Variants in FBXL13 observed in about 807,000 individuals in gnomAD.
FBXL13 encodes the protein F-box and leucine-rich repeat protein 13.
A neutral mutation model predicts 83.6 loss-of-function variants in FBXL13; 67 were observed. That is an observed-to-expected ratio of 0.80 (90% CI 0.66 to 0.98). FBXL13 has a LOEUF of 0.98. FBXL13 is among the 50% of genes least tolerant of loss of function. The probability of loss-of-function intolerance (pLI) is 0.00; values close to 1 mark genes in which losing one functional copy is unlikely to be tolerated. For missense variants in FBXL13, 822 were observed against 866.5 expected, an observed-to-expected ratio of 0.95 and a Z score of 0.64; for synonymous variants, 272 against 299.5, an observed-to-expected ratio of 0.91 and a Z score of 0.95.
intron 6 of FBXL13, among the ~76,000 whole-genome samples, chr7:102,983,753 C>T (rs1828582988): frequency 6.6e-6 from 1 of 152,104 alleles, no homozygotes; most frequent in African/African-American, 2.4e-5. Flanking sequence ...AACGCCTTCA[C>T]TTTAACAGAG....
intron 18 of FBXL13, chr7:102,826,943 T>C: frequency 3.6e-6 from 1 of 278,030 alleles, no homozygotes; most frequent in Non-Finnish European, 8.0e-6. Context: ...CTAAGAGCTC[T>C]ATCGTATTAT....
Position 103,052,164 on chromosome 7 carries a change from T to C in FBXL13, c.-1+3480A>G, listed in dbSNP as rs574984865. ...ACCTTTGAAGTTTTTTGTTGAAACA[T>C]TAAAAATCATTTTACTGCCAGTTAT... is the stretch of plus-strand genomic sequence containing the variant. On this transcript the variant is annotated intron_variant, in intron 2 of 19. Transcript: ENST00000313221. Among the ~76,000 whole-genome samples, 156 of 152,332 alleles carry C rather than the reference T, an allele frequency of 1.0e-3. 1 individual carries two copies. Among genetic ancestry groups the C allele is most frequent in the African/African-American group, 3.6e-3 (148 of 41,572 alleles).
chr7:103,035,155 T>A (rs1214293880), intron 2 of FBXL13, among the ~76,000 whole-genome samples: 3 of 152,190 alleles, frequency 2.0e-5, no homozygotes, highest in African/African-American at 7.2e-5. Context: ...ATTTGGCACT[T>A]AAGGATTCCA....
intron 6 of FBXL13, among the ~76,000 whole-genome samples, chr7:103,004,727 G>A (rs1032209477): frequency 6.6e-5 from 10 of 152,132 alleles, no homozygotes; most frequent in Admixed American, 5.9e-4. Context: ...GCATCACAGA[G>A]CAGTCCATTT....
intron 6 of FBXL13, 132 bp from the exon 8 acceptor site, chr7:102,968,249 A>C: frequency 1.7e-6 from 1 of 578,786 alleles, no homozygotes; most frequent in South Asian, 2.4e-5. Flanking sequence ...AAGGTAATCC[A>C]TACTTTGCAA....
At chr7:102,938,742 C>A (rs1820808884) in intron 8 of FBXL13, among the ~76,000 whole-genome samples, 1 of 152,204 alleles carries the variant, frequency 6.6e-6, no homozygotes, top group African/African-American at 2.4e-5. Flanking sequence ...TTGCAATTCT[C>A]ATTGAAGTTC....
chr7:103,063,267 A>C (rs1470487640), intron 1 of FBXL13, among the ~76,000 whole-genome samples: 2 of 152,212 alleles, frequency 1.3e-5, no homozygotes, highest in East Asian at 3.9e-4. Context: ...TATCTGCACT[A>C]AACACATACA....
Position 103,026,781 on chromosome 7 carries a change from A to T in FBXL13, c.327+668T>A, listed in dbSNP as rs571774979. On this transcript the variant is annotated intron_variant, in intron 5 of 19. Transcript: ENST00000313221. ...TTGATCCATGGGGCAACCACAAAAG[A>T]AGGGGATTTAACTTCACCCCACATT... Among the ~76,000 whole-genome samples, 17 of 152,320 alleles carry T rather than the reference A, an allele frequency of 1.1e-4. No homozygotes were observed. In the South Asian group the frequency reaches 3.5e-3, roughly 32 times the overall value.
At position 102,859,515 on chromosome 7, in the gene FBXL13, T is replaced by C. The variant is rs528070334; in HGVS notation, c.1636-4655A>G. 3.3e-5 allele frequency among the ~76,000 whole-genome samples: 5 copies of C among 152,282 alleles called. No individual in the cohort carries two copies. The East Asian group carries it at 9.6e-4, about 29-fold the overall frequency. ...ATAAATGCTCCAAATTAGGAGGTGTTCTCTGAAACAAGTGACATTTACATT... is the reference window on the plus strand; with the variant it reads ...ATAAATGCTCCAAATTAGGAGGTGTCCTCTGAAACAAGTGACATTTACATT... On this transcript the variant is annotated intron_variant, in intron 16 of 19. Transcript: ENST00000313221.
chr7:102,858,255 C>T (rs1009813910), intron 16 of FBXL13, among the ~76,000 whole-genome samples: 6 of 152,044 alleles, frequency 3.9e-5, no homozygotes, highest in African/African-American at 1.2e-4. Flanking sequence ...AAGTAGAGTA[C>T]AATTGTGGGA....
intron 6 of FBXL13, among the ~76,000 whole-genome samples, chr7:103,013,860 A>G (rs1345796876): frequency 6.6e-6 from 1 of 152,130 alleles, no homozygotes; most frequent in African/African-American, 2.4e-5. Flanking sequence ...TTTTTCTTTG[A>G]AAGAAGTAAT....
intron 2 of FBXL13, among the ~76,000 whole-genome samples, chr7:103,041,774 C>T (rs1055778593): frequency 6.6e-6 from 1 of 152,092 alleles, no homozygotes; most frequent in Non-Finnish European, 1.5e-5. Context: ...ATTCAACAGC[C>T]CTTCATGCTA....
chr7:102,944,844 C>T, intron 8 of FBXL13: 1 of 417,136 alleles, frequency 2.4e-6, no homozygotes, highest in Non-Finnish European at 4.2e-6. Context: ...ACACTGGTAA[C>T]CTGCAGCAGT....
In FBXL13 at chr7:102,995,349, T is replaced by C. The variant is rs181500684; in HGVS notation, c.496-27232A>G. ...ACAAAAAATTAGCTGGGCGTGGTGGTGGGTGCCTGTAGTCCCAACTACTCG... is the reference window on the plus strand; with the variant it reads ...ACAAAAAATTAGCTGGGCGTGGTGGCGGGTGCCTGTAGTCCCAACTACTCG... On this transcript the variant is annotated intron_variant, in intron 6 of 19. Transcript: ENST00000313221. Among the ~76,000 whole-genome samples the C allele has an allele frequency of 1.5e-4, 22 of 151,038 alleles. No individual in the cohort carries two copies. The East Asian group carries it at 2.2e-3, about 15-fold the overall frequency.
intron 2 of FBXL13, among the ~76,000 whole-genome samples, chr7:103,041,406 G>A (rs770870514): frequency 2.0e-5 from 3 of 152,108 alleles, no homozygotes; most frequent in Non-Finnish European, 1.5e-5. Context: ...AACAGGAGCT[G>A]GTACCATTCC....
At chr7:102,827,300 A>G in intron 18 of FBXL13, 1 of 305,836 alleles carries the variant, frequency 3.3e-6, no homozygotes, top group South Asian at 2.4e-5. Flanking sequence ...AGATGACTGC[A>G]AAGAGATGAC....
At chr7:103,016,989 G>A (rs1792429275) in intron 6 of FBXL13, among the ~76,000 whole-genome samples, 1 of 152,214 alleles carries the variant, frequency 6.6e-6, no homozygotes, top group African/African-American at 2.4e-5. Flanking sequence ...GGTTCTCCCA[G>A]CATGGAGTTT....
At chr7:102,972,246 G>T (rs1195802202) in intron 6 of FBXL13, among the ~76,000 whole-genome samples, 2 of 151,802 alleles carry the variant, frequency 1.3e-5, no homozygotes, top group African/African-American at 2.4e-5. Flanking sequence ...ACAATAAGAT[G>T]GAACAAAAAC....
intron 2 of FBXL13, among the ~76,000 whole-genome samples, chr7:103,034,139 T>G (rs1252326786): frequency 6.6e-6 from 1 of 152,178 alleles, no homozygotes; most frequent in Non-Finnish European, 1.5e-5. Context: ...ACATAAAGGT[T>G]CTCCAAGTTC....
Sources: gnomAD v4.1 joint callset for allele counts (sites outside exome capture counted in the v4.1 genomes callset) on GRCh38, gnomAD v4.1.1 for gene constraint, MANE v1.5 for transcripts, NCBI Gene and HGNC (gene_info 2026-07-23, HGNC 2026-07-21) for gene names.